The following ABI3BP variants were observed in gnomAD, a reference collection of about 807,000 sequenced individuals.
The protein encoded by ABI3BP is ABI family member 3 binding protein, also known as target of Nesh-SH3.
ABI3BP carries 216 observed loss-of-function variants against 268.6 expected under a neutral mutation model. That is an observed-to-expected ratio of 0.80 (90% CI 0.72 to 0.90). The LOEUF is 0.90. Among genes scored for constraint, ABI3BP ranks in the 40% least tolerant of loss-of-function variants. The pLI is 0.00. For synonymous variants in ABI3BP, 730 were observed against 730.0 expected (o/e 1.00, Z 0.00); for missense variants, 2,090 against 2,182.4 (o/e 0.96, Z 0.84).
chr3:100,981,203 G>A (rs2089225661), intron 1 of ABI3BP, among the ~76,000 whole-genome samples: 1 of 151,772 alleles, frequency 6.6e-6, no homozygotes, highest in East Asian at 1.9e-4. Context: ...CTTCAACCAA[G>A]TGGAATACTT....
Position 100,846,384 on chromosome 3 carries a change from G to A in ABI3BP, c.1711C>T (p.His571Tyr). ...PKIPLSPEVT[H>Y]TKPAPEPQTL... ...TTAGGGTAATTACCAGGTTTGGTGT[G>A]TGTCACTTCTGGGCTGAGAGGGATT... Residue 571 changes from histidine to tyrosine, a missense_variant, in exon 20 of 68, where the codon CAC becomes TAC. Transcript: ENST00000471714. The A allele has an allele frequency of 3.8e-6, 6 of 1,599,248 alleles. No homozygotes were observed. The highest frequency in any genetic ancestry group is 5.1e-6 in the Non-Finnish European group (6 of 1,172,148).
intron 14 of ABI3BP, among the ~76,000 whole-genome samples, chr3:100,855,858 T>A (rs1007574911): frequency 6.6e-6 from 1 of 152,248 alleles, no homozygotes; most frequent in African/African-American, 2.4e-5. Flanking sequence ...ACCACTTAAA[T>A]ACATTGATAA....
chr3:100,772,807 G>C (rs1192851927), intron 61 of ABI3BP, among the ~76,000 whole-genome samples: 1 of 152,080 alleles, frequency 6.6e-6, no homozygotes, highest in Non-Finnish European at 1.5e-5. Context: ...GGCTGGGCGT[G>C]GTGGCTCATG....
intron 12 of ABI3BP, 74 bp from the exon 13 acceptor site, chr3:100,862,983 TGCAAAAACAAAA>T: frequency 4.3e-6 from 5 of 1,172,008 alleles, no homozygotes; most frequent in Non-Finnish European, 6.0e-6. Flanking sequence ...ATTTTAAGCT[TGCAAAAACAAAA>T]GCAAACACAA....
intron 9 of ABI3BP, among the ~76,000 whole-genome samples, chr3:100,873,292 T>C (rs2099127562): frequency 6.6e-6 from 1 of 152,192 alleles, no homozygotes; most frequent in Non-Finnish European, 1.5e-5. Context: ...AGCTTGACAT[T>C]ATGTGGACAA....
intron 63 of ABI3BP, among the ~76,000 whole-genome samples, chr3:100,763,549 GTCC>G (rs1271268060): frequency 4.6e-5 from 7 of 152,078 alleles, no homozygotes; most frequent in Admixed American, 1.3e-4. Flanking sequence ...GGTTTTAGGG[GTCC>G]TCCTCAGAAG....
chr3:100,931,183 A>T (rs940947337), intron 1 of ABI3BP, among the ~76,000 whole-genome samples: 7 of 152,106 alleles, frequency 4.6e-5, no homozygotes, highest in African/African-American at 1.7e-4. Context: ...GCATCGAAGG[A>T]CCATAGCTCA....
intron 1 of ABI3BP, among the ~76,000 whole-genome samples, chr3:100,963,542 T>A (rs1376710629): frequency 1.3e-5 from 2 of 152,250 alleles, no homozygotes; most frequent in African/African-American, 4.8e-5. Flanking sequence ...TGTCTTTTTA[T>A]AATATAATTC....
At chr3:100,778,683 G>A in intron 58 of ABI3BP, 2 of 272,138 alleles carry the variant, frequency 7.3e-6, no homozygotes, top group Non-Finnish European at 1.4e-5. Flanking sequence ...AACTGTGGAT[G>A]GAAAATTTTT....
At chr3:100,858,872 C>T (rs1422480623) in intron 14 of ABI3BP, among the ~76,000 whole-genome samples, 1 of 152,182 alleles carries the variant, frequency 6.6e-6, no homozygotes, top group African/African-American at 2.4e-5. Flanking sequence ...AAACATTACC[C>T]TCCCCACCTT....
At chr3:100,889,784 T>C (rs1285527016) in intron 4 of ABI3BP, among the ~76,000 whole-genome samples, 1 of 152,116 alleles carries the variant, frequency 6.6e-6, no homozygotes, top group Admixed American at 6.6e-5. Context: ...CTGCCAATAA[T>C]TGTTGTTATA....
In ABI3BP at chr3:100,811,660, G is replaced by A. The variant is rs142876504; in HGVS notation, c.3493+68C>T. ...ACCACAGCTTGAACTTTCATATTCC[G>A]TGGATGTAACTGATGTTAATTTAAA... On this transcript the variant is annotated intron_variant, in intron 47 of 67. Coordinates refer to ENST00000471714, the MANE Select transcript of ABI3BP (RefSeq NM_001375547.2). 714 of 1,438,544 alleles carry A rather than the reference G, an allele frequency of 5.0e-4. 5 individuals are homozygous for A. In the African/African-American group the frequency reaches 8.3e-3, roughly 17 times the overall value. 89.1% of individuals were successfully genotyped at this position (1,438,544 alleles called of 1,614,324 possible).
In ABI3BP at chr3:100,829,629, G is replaced by A. The variant is rs1198175504; in HGVS notation, c.2494C>T (p.Pro832Ser). The change falls in exon 33 of 68, where the codon CCC (proline) becomes TCC (serine). Residue 832 changes from proline (P) to serine (S), a missense_variant. Physicochemically the swap from Pro to Ser is moderately conservative, Grantham distance 74. Coordinates refer to ENST00000471714, the MANE Select transcript of ABI3BP (RefSeq NM_001375547.2). ...KVPQRTHRPH[P>S]KPKTTLSPEE... ...GGACTCAGTGTGGTTTTAGGTTTGG[G>A]ATGTGGACGATGAGTTCGTTGAGGC... 2 of 1,535,762 alleles carry A rather than the reference G, an allele frequency of 1.3e-6. No individual in the cohort carries two copies. Among genetic ancestry groups the A allele is most frequent in the East Asian group, 2.4e-5 (1 of 40,902 alleles).
chr3:100,905,977 T>A (rs2053245927), intron 2 of ABI3BP, among the ~76,000 whole-genome samples: 1 of 152,212 alleles, frequency 6.6e-6, no homozygotes, highest in African/African-American at 2.4e-5. Flanking sequence ...ATTTTCATTT[T>A]GTTCTTGGCC....
At chr3:100,859,155 T>C (rs1047146988) in intron 14 of ABI3BP, among the ~76,000 whole-genome samples, 12 of 152,172 alleles carry the variant, frequency 7.9e-5, no homozygotes, top group Admixed American at 4.6e-4. Flanking sequence ...AATAAGTAAA[T>C]GAATGTAAAT....
intron 4 of ABI3BP, among the ~76,000 whole-genome samples, chr3:100,889,349 A>G (rs971416710): frequency 6.6e-6 from 1 of 152,182 alleles, no homozygotes; most frequent in Non-Finnish European, 1.5e-5. Flanking sequence ...TGCCTTTTGT[A>G]CTGCACTGGA....
intron 61 of ABI3BP, among the ~76,000 whole-genome samples, chr3:100,773,299 T>C (rs1044138660): frequency 6.6e-6 from 1 of 152,068 alleles, no homozygotes; most frequent in African/African-American, 2.4e-5. Context: ...CTCCATTTTT[T>C]AAAATGGGCA....
At chr3:100,845,961 C>T (rs1452276997) in intron 20 of ABI3BP, among the ~76,000 whole-genome samples, 6 of 151,630 alleles carry the variant, frequency 4.0e-5, no homozygotes, top group Non-Finnish European at 7.4e-5. Flanking sequence ...AAATACAGGT[C>T]TTTCTGGTCT....
intron 21 of ABI3BP, 34 bp downstream of exon 21, chr3:100,841,964 C>A: frequency 6.9e-7 from 1 of 1,447,506 alleles, no homozygotes; most frequent in Non-Finnish European, 9.3e-7. Flanking sequence ...GTTAAAGATA[C>A]TTTGTTTTCA....
Sources: gnomAD v4.1 joint callset for allele counts (sites outside exome capture counted in the v4.1 genomes callset) on GRCh38, gnomAD v4.1.1 for gene constraint, MANE v1.5 for transcripts, NCBI Gene and HGNC (gene_info 2026-07-23, HGNC 2026-07-21) for gene names.